Variants in BTNL8 observed in about 807,000 individuals in gnomAD.
The protein encoded by BTNL8 is butyrophilin like 8, also known as butyrophilin-like protein 8.
BTNL8 carries 22 observed loss-of-function variants against 36.1 expected under a neutral mutation model. The observed-to-expected ratio is 0.61, with a 90% CI of 0.44 to 0.87. BTNL8 has a LOEUF of 0.87. Among genes scored for constraint, BTNL8 ranks in the 40% least tolerant of loss-of-function variants. The pLI is 0.00. For missense variants in BTNL8, 526 were observed against 616.9 expected, an observed-to-expected ratio of 0.85 and a Z score of 1.56; for synonymous variants, 203 against 235.6, an observed-to-expected ratio of 0.86 and a Z score of 1.27.
chr5:180,914,101 C>T (rs1031092328), intron 3 of BTNL8, among the ~76,000 whole-genome samples: 2 of 152,080 alleles, frequency 1.3e-5, no homozygotes, highest in African/African-American at 2.4e-5. Flanking sequence ...TGTGTCTTCT[C>T]CAAAATTCAT....
At chr5:180,903,501 T>C (rs1334899340) in intron 1 of BTNL8, among the ~76,000 whole-genome samples, 7 of 110,416 alleles carry the variant, frequency 6.3e-5, no homozygotes, top group African/African-American at 2.6e-4. Flanking sequence ...GGTAGTTTCT[T>C]TTGCTGTGCA....
chr5:180,909,578 C>G (rs771539505), intron 2 of BTNL8: 1 of 985,312 alleles, frequency 1.0e-6, no homozygotes, highest in Non-Finnish European at 1.2e-6. Flanking sequence ...ACACCCTTCA[C>G]AGTGAAATGT....
intron 1 of BTNL8, 125 bp from the exon 2 acceptor site, chr5:180,908,461 C>T (rs1396427557): frequency 1.1e-6 from 1 of 892,078 alleles, no homozygotes; most frequent in Non-Finnish European, 1.7e-6. Context: ...ATGCAGAAAT[C>T]ACCCATGTTC....
In BTNL8 at chr5:180,938,827, G is replaced by T. The variant is rs192407898; in HGVS notation, c.674-8685G>T. Among the ~76,000 whole-genome samples the T allele has an allele frequency of 4.0e-5, 6 of 151,690 alleles. No homozygotes were observed. The South Asian group carries it at 1.2e-3, about 31-fold the overall frequency. ...ATACTATGTTCAAAGTGCTGGAAGG[G>T]AAAAAAAGCCAACTAAGACATGATG... is the stretch of plus-strand genomic sequence containing the variant. On this transcript the variant is annotated intron_variant, in intron 3 of 7. Transcript: ENST00000340184.
chr5:180,919,030 GA>G (rs1405844703), intron 3 of BTNL8, among the ~76,000 whole-genome samples: 2 of 152,170 alleles, frequency 1.3e-5, no homozygotes, highest in Non-Finnish European at 2.9e-5. Flanking sequence ...CCTGGAAAGG[GA>G]AATTTACATT....
At chr5:180,899,437 T>C in intron 1 of BTNL8, 78 bp downstream of exon 1, 1 of 1,476,708 alleles carries the variant, frequency 6.8e-7, no homozygotes, top group Non-Finnish European at 9.5e-7. Flanking sequence ...CATAATGGAA[T>C]GAAGGCATCT....
At chr5:180,901,319 C>A (rs565104363) in intron 1 of BTNL8, among the ~76,000 whole-genome samples, 1 of 152,114 alleles carries the variant, frequency 6.6e-6, no homozygotes, top group Non-Finnish European at 1.5e-5. Flanking sequence ...TATCCATATA[C>A]CATAAATGGA....
Position 180,908,624 on chromosome 5 carries a change from G to C in BTNL8, c.88G>C (p.Ala30Pro). The C allele has an allele frequency of 6.2e-7, 1 of 1,614,216 alleles. No individual in the cohort carries two copies. Among genetic ancestry groups the C allele is most frequent in the Non-Finnish European group, 8.5e-7 (1 of 1,180,040 alleles). Residue 30 changes from alanine (A) to proline (P), a missense_variant, in exon 2 of 8, where the codon GCC (alanine) becomes CCC (proline). Ala to Pro is a conservative substitution (Grantham distance 27, BLOSUM62 -1). Coordinates refer to ENST00000340184, the MANE Select transcript of BTNL8 (RefSeq NM_001040462.3). ...QVFGPDKPVQ[A>P]LVGEDAAFSC... ...GTTTGGGCCAGACAAGCCTGTCCAG[G>C]CCTTGGTGGGGGAGGACGCAGCATT...
intron 3 of BTNL8, among the ~76,000 whole-genome samples, chr5:180,924,364 AG>A (rs1261985215): frequency 6.6e-6 from 1 of 152,218 alleles, no homozygotes; most frequent in Non-Finnish European, 1.5e-5. Flanking sequence ...TGAGTGATCA[AG>A]CAGCAACCCC....
intron 7 of BTNL8, 42 bp downstream of exon 7, chr5:180,949,307 G>A (rs1424105479): frequency 6.8e-7 from 1 of 1,461,294 alleles, no homozygotes; most frequent in South Asian, 1.1e-5. Context: ...AGAATCTCAG[G>A]TGGACATGAG....
At chr5:180,913,230 A>G (rs572591096) in intron 3 of BTNL8, among the ~76,000 whole-genome samples, 1 of 152,208 alleles carries the variant, frequency 6.6e-6, no homozygotes, top group African/African-American at 2.4e-5. Flanking sequence ...AAGCAGTCTC[A>G]GTCTCTCTAT....
At chr5:180,926,073 A>G (rs1006391745) in intron 3 of BTNL8, among the ~76,000 whole-genome samples, 34 of 152,354 alleles carry the variant, frequency 2.2e-4, no homozygotes, top group African/African-American at 7.9e-4. Context: ...TGCAGCCCCC[A>G]GCAAGATCAA....
chr5:180,921,568 G>A (rs1289850161), intron 3 of BTNL8, among the ~76,000 whole-genome samples: 5 of 151,864 alleles, frequency 3.3e-5, no homozygotes, highest in Non-Finnish European at 5.9e-5. Context: ...AAGTTCTGGA[G>A]ATCTACTATA....
intron 3 of BTNL8, among the ~76,000 whole-genome samples, chr5:180,931,880 C>T (rs1296497248): frequency 1.3e-5 from 2 of 152,138 alleles, no homozygotes; most frequent in Non-Finnish European, 2.9e-5. Flanking sequence ...TTAGTTCAAC[C>T]ATTGTGGAAG....
chr5:180,942,215 C>T (rs541708165), intron 3 of BTNL8, among the ~76,000 whole-genome samples: 18 of 151,928 alleles, frequency 1.2e-4, no homozygotes, highest in African/African-American at 4.1e-4. Flanking sequence ...AAATAAAATA[C>T]CAAGGAATAA....
At chr5:180,947,675 A>G in intron 4 of BTNL8, 50 bp downstream of exon 4, 1 of 1,614,242 alleles carries the variant, frequency 6.2e-7, no homozygotes, top group Non-Finnish European at 8.5e-7. Flanking sequence ...TGGTTCCAGC[A>G]GGGACAGGAT....
intron 1 of BTNL8, among the ~76,000 whole-genome samples, 185 bp downstream of exon 1, chr5:180,899,544 C>T (rs1581997846): frequency 6.6e-6 from 1 of 152,110 alleles, no homozygotes; most frequent in Admixed American, 6.5e-5. Flanking sequence ...AATGGAAACA[C>T]GGGTGTTGAA....
At chr5:180,945,622 CAAAT>C (rs1759196186) in intron 3 of BTNL8, 1 of 244,432 alleles carries the variant, frequency 4.1e-6, no homozygotes, top group Non-Finnish European at 8.8e-6. Flanking sequence ...AGAAAGAAAA[CAAAT>C]AACCTGATCT....
At chr5:180,926,709 G>T (rs1758119852) in intron 3 of BTNL8, among the ~76,000 whole-genome samples, 1 of 152,210 alleles carries the variant, frequency 6.6e-6, no homozygotes, top group Non-Finnish European at 1.5e-5. Context: ...CCACCAGGAA[G>T]TTCAAACTCT....
Sources: gnomAD v4.1 joint callset for allele counts (sites outside exome capture counted in the v4.1 genomes callset) on GRCh38, gnomAD v4.1.1 for gene constraint, MANE v1.5 for transcripts, NCBI Gene and HGNC (gene_info 2026-07-23, HGNC 2026-07-21) for gene names.